The following SDK1 variants were observed in gnomAD, a reference collection of about 807,000 sequenced individuals.
The protein encoded by SDK1 is protein sidekick-1.
SDK1 carries 157 observed loss-of-function variants against 245.5 expected under a neutral mutation model. That is an observed-to-expected ratio of 0.64 (90% CI 0.56 to 0.73). The LOEUF (loss-of-function observed/expected upper bound fraction) is 0.73. SDK1 is among the 30% of genes least tolerant of loss of function. SDK1 has a pLI of 0.00. For synonymous variants in SDK1, 1,647 were observed against 1,278.5 expected (o/e 1.29, Z -6.15); for missense variants, 3,583 against 3,002.3 (o/e 1.19, Z -4.52).
In SDK1 at chr7:4,265,329, C is replaced by G; in HGVS notation, c.6587C>G (p.Thr2196Ser). 6.7e-7 allele frequency: 1 copy of G among 1,481,612 alleles called. No individual in the cohort carries two copies. Among genetic ancestry groups the G allele is most frequent in the Non-Finnish European group, 8.9e-7 (1 of 1,129,904 alleles). The allele number at this position is 1,481,612 out of a possible 1,614,324, so 91.8% of individuals were successfully genotyped here. Residue 2196 changes from threonine to serine, a missense_variant, in exon 45 of 45, where the codon ACC (threonine) becomes AGC (serine). By Grantham distance (58) the Thr-to-Ser change is moderately conservative (BLOSUM62 1). Coordinates refer to ENST00000404826, the MANE Select transcript of SDK1 (RefSeq NM_152744.4). Reference protein sequence around the residue: ...ITTQSAGGVYTPAGPGARTPL... With the variant: ...ITTQSAGGVYSPAGPGARTPL... ...ACGCAGAGCGCGGGCGGCGTCTACACCCCCGCTGGCCCCGGCGCGCGAACT... is the reference window on the plus strand; with the variant it reads ...ACGCAGAGCGCGGGCGGCGTCTACAGCCCCGCTGGCCCCGGCGCGCGAACT...
chr7:3,719,372 C>G (rs1366015985), intron 4 of SDK1, among the ~76,000 whole-genome samples: 1 of 151,546 alleles, frequency 6.6e-6, no homozygotes, highest in African/African-American at 2.4e-5. Context: ...TAGGAGGAAT[C>G]ATTGTTTCCA....
At chr7:3,893,164 C>G (rs1184176799) in intron 5 of SDK1, among the ~76,000 whole-genome samples, 1 of 152,116 alleles carries the variant, frequency 6.6e-6, no homozygotes, top group East Asian at 1.9e-4. Flanking sequence ...TATACAGTGC[C>G]TTTTGCTAGG....
chr7:4,049,511 G>A, intron 18 of SDK1, 48 bp downstream of exon 18: 8 of 1,440,350 alleles, frequency 5.6e-6, no homozygotes, highest in Non-Finnish European at 6.8e-6. Context: ...ATTGTCTGGA[G>A]CCACAGCGCG....
At chr7:3,847,045 G>A (rs923442269) in intron 5 of SDK1, among the ~76,000 whole-genome samples, 1 of 151,942 alleles carries the variant, frequency 6.6e-6, no homozygotes, top group Non-Finnish European at 1.5e-5. Context: ...GCCGCTTAGT[G>A]TAATCACGCT....
intron 1 of SDK1, among the ~76,000 whole-genome samples, chr7:3,502,712 G>A (rs1782257090): frequency 6.6e-6 from 1 of 151,964 alleles, no homozygotes; most frequent in South Asian, 2.1e-4. Flanking sequence ...ATGTGTTATT[G>A]GGGTACCGTT....
intron 1 of SDK1, among the ~76,000 whole-genome samples, chr7:3,610,266 G>A (rs1781548455): frequency 6.6e-6 from 1 of 152,116 alleles, no homozygotes; most frequent in Non-Finnish European, 1.5e-5. Flanking sequence ...AGCAGGAGAA[G>A]GTAAATCATA....
chr7:3,453,475 G>A (rs1165215934), intron 1 of SDK1, among the ~76,000 whole-genome samples: 1 of 152,140 alleles, frequency 6.6e-6, no homozygotes, highest in East Asian at 1.9e-4. Context: ...TTATCTGGTG[G>A]ACCCTAAATG....
chr7:4,052,001 C>G (rs964754758), intron 19 of SDK1, among the ~76,000 whole-genome samples, 171 bp downstream of exon 19: 3 of 152,086 alleles, frequency 2.0e-5, no homozygotes, highest in African/African-American at 7.2e-5. Flanking sequence ...GATAATGCCT[C>G]GCAGAGGATG....
At chr7:4,221,935 G>C (rs1249812949) in intron 40 of SDK1, among the ~76,000 whole-genome samples, 2 of 152,152 alleles carry the variant, frequency 1.3e-5, no homozygotes, top group African/African-American at 4.8e-5. Context: ...TGGGAAATGA[G>C]TTTCTGATCG....
rs895087135 is a variant in SDK1, at chr7:4,132,256, C to T, written c.4130-69C>T. ...CTGCAGCCAGCTGACCCTCGGAATC[C>T]TGTGTAACCTGTCACGCACCCAAGG... On this transcript the variant is annotated intron_variant, in intron 27 of 44. Transcript: ENST00000404826. The T allele has an allele frequency of 6.6e-5, 83 of 1,260,426 alleles. No homozygotes were observed. The African/African-American group carries it at 9.8e-4, about 15-fold the overall frequency. The allele number at this position is 1,260,426 out of a possible 1,614,324, so 78.1% of individuals were successfully genotyped here. A position where few individuals can be genotyped will look rare whatever the true frequency, so the allele number is the denominator to read the frequency against.
chr7:4,132,446 G>A, intron 28 of SDK1, 23 bp downstream of exon 28: 1 of 1,548,012 alleles, frequency 6.5e-7, no homozygotes, highest in South Asian at 1.1e-5. Context: ...CGGTGGCCGG[G>A]CGTGGTGGCT....
At chr7:3,383,083 G>A (rs1373118235) in intron 1 of SDK1, among the ~76,000 whole-genome samples, 1 of 152,004 alleles carries the variant, frequency 6.6e-6, no homozygotes, top group Admixed American at 6.6e-5. Flanking sequence ...TTGCATTTCC[G>A]CTAAAAAAAA....
Position 4,142,942 on chromosome 7 carries a change from G to A in SDK1, c.4229-2780G>A, listed in dbSNP as rs139078559. ...TGCTTTTTCCAGGCAGAACACAGCC[G>A]CCCAGAGACCTCAGAATTAGGGTCA... On this transcript the variant is annotated intron_variant, in intron 28 of 44. Transcript: ENST00000404826. 1.8e-4 allele frequency among the ~76,000 whole-genome samples: 28 copies of A among 152,336 alleles called. 1 individual carries two copies. In the East Asian group the frequency reaches 4.8e-3, roughly 26 times the overall value.
rs759494831 is a variant in SDK1, at chr7:3,974,373, G to A, written c.1822G>A (p.Val608Ile). ...GACCCTTTGCTTGGCCCACAGCTAC[G>A]TTTGGAAGAAGGACAACGTGGCCCT... ...THDPRVSLRY[V>I]WKKDNVALTP... The change falls in exon 13 of 45, where the codon GTT becomes ATT. Residue 608 changes from valine (V) to isoleucine (I), a missense_variant. Val to Ile is a conservative substitution (Grantham distance 29). Coordinates refer to ENST00000404826, the MANE Select transcript of SDK1 (RefSeq NM_152744.4). 143 of 1,611,748 alleles carry A rather than the reference G, an allele frequency of 8.9e-5. No homozygotes were observed. Among genetic ancestry groups the A allele is most frequent in the Non-Finnish European group, 1.2e-4 (136 of 1,178,190 alleles).
At chr7:4,206,607 G>C (rs1784241175) in intron 36 of SDK1, among the ~76,000 whole-genome samples, 1 of 152,324 alleles carries the variant, frequency 6.6e-6, no homozygotes, top group African/African-American at 2.4e-5. Flanking sequence ...CATGACAGGA[G>C]AGCGTCGAGT....
intron 1 of SDK1, among the ~76,000 whole-genome samples, chr7:3,445,352 T>G (rs558873530): frequency 2.0e-4 from 31 of 152,272 alleles, no homozygotes; most frequent in African/African-American, 6.7e-4. Context: ...AAACAGAATT[T>G]ACTGACTTTT....
At chr7:3,853,175 C>T (rs1375288149) in intron 5 of SDK1, among the ~76,000 whole-genome samples, 2 of 152,054 alleles carry the variant, frequency 1.3e-5, no homozygotes, top group Non-Finnish European at 2.9e-5. Flanking sequence ...AGAAATGGAC[C>T]CATATTGTTT....
chr7:3,495,530 A>G (rs1021301475), intron 1 of SDK1, among the ~76,000 whole-genome samples: 4 of 152,194 alleles, frequency 2.6e-5, no homozygotes, highest in African/African-American at 7.2e-5. Context: ...AAGTGCTGGG[A>G]TTACAGGCGT....
rs73673213 is a variant in SDK1 at position 3,991,609 on chromosome 7, G to T, written c.2131+4287G>T. 9.9e-3 allele frequency among the ~76,000 whole-genome samples: 1,502 copies of T among 152,286 alleles called. 19 individuals carry two copies. The highest frequency in any genetic ancestry group is 0.034 in the African/African-American group (1,420 of 41,558). ...TTTCACTCAGAAGGGGACAGAGAAC[G>T]TCAGTCACCCATATTAGCCTCTGGC... On this transcript the variant is annotated intron_variant, in intron 14 of 44. Transcript: ENST00000404826.
Sources: allele counts gnomAD v4.1 joint callset (sites outside exome capture counted in the v4.1 genomes callset), GRCh38; gene constraint gnomAD v4.1.1; transcripts MANE v1.5; gene names NCBI Gene and HGNC (gene_info 2026-07-23, HGNC 2026-07-21).